The following TBC1D19 variants were observed in gnomAD, a reference collection of about 807,000 sequenced individuals.
The protein encoded by TBC1D19 is TBC1 domain family, member 19.
Under a neutral mutation model 89.0 loss-of-function variants are expected in TBC1D19, and 60 were observed. The observed-to-expected ratio is 0.67, with a 90% CI of 0.55 to 0.84. TBC1D19 has a LOEUF of 0.84. Among genes scored for constraint, TBC1D19 ranks in the 40% least tolerant of loss-of-function variants. TBC1D19 has a pLI of 0.00. For synonymous variants in TBC1D19, 189 were observed against 199.7 expected, an observed-to-expected ratio of 0.95 and a Z score of 0.45; for missense variants, 500 against 610.8, an observed-to-expected ratio of 0.82 and a Z score of 1.91.
chr4:26,810,443 C>A, the TBC1D19 span, among the ~76,000 whole-genome samples: 1 of 152,194 alleles, frequency 6.6e-6, no homozygotes, highest in African/African-American at 2.4e-5. Flanking sequence ...AATTCTTTAG[C>A]AAGGTTTGCA....
chr4:26,580,079 A>G (rs1337610475), upstream of TBC1D19, among the ~76,000 whole-genome samples: 3 of 152,156 alleles, frequency 2.0e-5, no homozygotes, highest in Non-Finnish European at 2.9e-5. Flanking sequence ...TTTTGCATAG[A>G]GTCAACACGG....
chr4:26,650,891 T>C lies in TBC1D19; in HGVS notation c.481-8706T>C, dbSNP rs1256253733. On this transcript the variant is annotated intron_variant, in intron 7 of 20. Coordinates refer to ENST00000264866, the MANE Select transcript of TBC1D19 (RefSeq NM_018317.4). ...ATAATCCATCTTGAATTAATTTTTA[T>C]ATAAGGTGTAAGGAAGGGATCCAGT... is the stretch of plus-strand genomic sequence containing the variant. Among the ~76,000 whole-genome samples the C allele has an allele frequency of 2.6e-5, 4 of 152,232 alleles. No individual in the cohort carries two copies. The South Asian group carries it at 8.3e-4, about 31-fold the overall frequency.
At chr4:26,766,939 T>C in the TBC1D19 span, among the ~76,000 whole-genome samples, 1 of 152,188 alleles carries the variant, frequency 6.6e-6, no homozygotes. Flanking sequence ...TATGTAGTGA[T>C]GCATAAAATA....
At chr4:26,735,842 T>A (rs1054890422) in intron 16 of TBC1D19, among the ~76,000 whole-genome samples, 1 of 151,768 alleles carries the variant, frequency 6.6e-6, no homozygotes, top group Non-Finnish European at 1.5e-5. Flanking sequence ...AAAACCACAA[T>A]GAGATACCAT....
chr4:26,661,816 C>T (rs28670078), intron 8 of TBC1D19, among the ~76,000 whole-genome samples: 3,904 of 152,198 alleles, frequency 0.026, 168 homozygotes, highest in African/African-American at 0.089. Context: ...TACAGCCATC[C>T]AAATGCTACT....
At chr4:26,665,564 C>T (rs978142190) in intron 8 of TBC1D19, among the ~76,000 whole-genome samples, 2 of 151,712 alleles carry the variant, frequency 1.3e-5, no homozygotes, top group Non-Finnish European at 2.9e-5. Context: ...GAGAATAAAT[C>T]TGATTTATCC....
At chr4:26,825,173 A>T in the TBC1D19 span, among the ~76,000 whole-genome samples, 1,021 of 151,554 alleles carry the variant, frequency 6.7e-3, 14 homozygotes, top group African/African-American at 0.023. Flanking sequence ...GTCTTGGCTC[A>T]CTACAACCTC....
chr4:26,698,673 C>A (rs1715032625), intron 13 of TBC1D19, among the ~76,000 whole-genome samples: 2 of 152,068 alleles, frequency 1.3e-5, no homozygotes, highest in South Asian at 2.1e-4. Flanking sequence ...AGATATAGAC[C>A]AATGGAACAG....
rs201310687 is a variant in TBC1D19 at position 26,637,196 on chromosome 4, T to C, written c.295-15T>C. 8.3e-5 allele frequency: 130 copies of C among 1,573,602 alleles called. 1 individual carries two copies. Among genetic ancestry groups the C allele is most frequent in the Admixed American group, 1.2e-4 (7 of 58,360 alleles). ...TGTTACTGGAAAAGATAATTGATTG[T>C]TTTTTATGTTTCAGGGAAGTTGGGA... On this transcript the variant is annotated splice_polypyrimidine_tract_variant and intron_variant, in intron 4 of 20. Coordinates refer to ENST00000264866, the MANE Select transcript of TBC1D19 (RefSeq NM_018317.4).
chr4:26,622,733 T>C (rs1421693625), intron 4 of TBC1D19, among the ~76,000 whole-genome samples: 1 of 152,220 alleles, frequency 6.6e-6, no homozygotes. Flanking sequence ...AATAGTCACG[T>C]TCATTCATTT....
At chr4:26,721,087 T>C (rs113339109) in intron 15 of TBC1D19, among the ~76,000 whole-genome samples, 3 of 152,164 alleles carry the variant, frequency 2.0e-5, no homozygotes, top group African/African-American at 7.2e-5. Flanking sequence ...TATCTCACTC[T>C]TGTTCTGCTG....
Position 26,718,858 on chromosome 4 carries a change from G to A in TBC1D19, c.1039+841G>A, listed in dbSNP as rs561103822. 2.6e-5 allele frequency among the ~76,000 whole-genome samples: 4 copies of A among 152,124 alleles called. No individual in the cohort carries two copies. In the South Asian group the frequency reaches 8.3e-4, roughly 32 times the overall value. Reference sequence around the variant, plus strand: ...CTGAGCTCACCTCTAAACTCAGCCAGGATTTTAAGGCCTTTGACCAGTTGA... The same window carrying A: ...CTGAGCTCACCTCTAAACTCAGCCAAGATTTTAAGGCCTTTGACCAGTTGA... On this transcript the variant is annotated intron_variant, in intron 14 of 20. Coordinates refer to ENST00000264866, the MANE Select transcript of TBC1D19 (RefSeq NM_018317.4).
chr4:26,608,831 G>A (rs1436886180), intron 1 of TBC1D19, among the ~76,000 whole-genome samples: 2 of 151,378 alleles, frequency 1.3e-5, no homozygotes, highest in Admixed American at 6.6e-5. Context: ...TTGGGGGGGA[G>A]GAAATTGGGT....
At chr4:26,792,861 G>A in the TBC1D19 span, among the ~76,000 whole-genome samples, 1 of 152,158 alleles carries the variant, frequency 6.6e-6, no homozygotes, top group African/African-American at 2.4e-5. Context: ...GCTCCTTCCT[G>A]TCCTCCTTCC....
intron 1 of TBC1D19, chr4:26,585,108 A>C (rs146319601): frequency 2.6e-4 from 110 of 421,960 alleles, no homozygotes; most frequent in African/African-American, 1.9e-3. Context: ...TATACATTCT[A>C]GTATACGATT....
At chr4:26,772,125 CT>C in the TBC1D19 span, among the ~76,000 whole-genome samples, 7,278 of 139,818 alleles carry the variant, frequency 0.052, 355 homozygotes, top group African/African-American at 0.14. Flanking sequence ...AGCCCTCCAA[CT>C]TTTTTTTTTT....
At chr4:26,817,990 A>C in the TBC1D19 span, among the ~76,000 whole-genome samples, 1 of 144,262 alleles carries the variant, frequency 6.9e-6, no homozygotes, top group Admixed American at 6.9e-5. Flanking sequence ...AAATATATAT[A>C]TATATATATA....
chr4:26,680,455 A>G (rs1427817369), intron 11 of TBC1D19, among the ~76,000 whole-genome samples: 3 of 152,174 alleles, frequency 2.0e-5, no homozygotes, highest in Admixed American at 6.5e-5. Flanking sequence ...TAGGAATAAA[A>G]GTAAATCTTA....
chr4:26,640,291 C>A, intron 7 of TBC1D19, 104 bp downstream of exon 7: 1 of 901,852 alleles, frequency 1.1e-6, no homozygotes, highest in East Asian at 2.5e-5. Flanking sequence ...GTAAAAAGCC[C>A]CAGAGTCACT....
Sources: gnomAD v4.1 joint callset for allele counts (sites outside exome capture counted in the v4.1 genomes callset) on GRCh38, gnomAD v4.1.1 for gene constraint, MANE v1.5 for transcripts, NCBI Gene and HGNC (gene_info 2026-07-23, HGNC 2026-07-21) for gene names.